MED12L: variants seen among roughly 807,000 people sequenced by gnomAD.
The protein encoded by MED12L is mediator complex subunit 12L.
MED12L carries 60 observed loss-of-function variants against 281.3 expected under a neutral mutation model. The observed-to-expected ratio is 0.21, with a 90% CI of 0.17 to 0.26. The LOEUF (loss-of-function observed/expected upper bound fraction) is 0.26, where lower values mean the gene tolerates loss of function less well. Ranked by LOEUF, MED12L falls within the 10% of genes least tolerant of loss-of-function variation. MED12L has a pLI of 1.00. For missense variants in MED12L, 2,146 were observed against 2,680.9 expected (o/e 0.80, Z 4.41); for synonymous variants, 974 against 987.2 (o/e 0.99, Z 0.25).
chr3:151,105,671 G>C (rs1410886668), intron 2 of MED12L, among the ~76,000 whole-genome samples: 1 of 152,014 alleles, frequency 6.6e-6, no homozygotes, highest in Non-Finnish European at 1.5e-5. Flanking sequence ...TTAGGTCCTG[G>C]TCTTTTCTCA....
chr3:151,350,286 A>C (rs534428353), intron 17 of MED12L, 80 bp downstream of exon 17: 20 of 1,401,066 alleles, frequency 1.4e-5, no homozygotes, highest in Non-Finnish European at 1.8e-5. Flanking sequence ...AAAGTGTTCT[A>C]TGTCACTGTC....
At chr3:151,135,463 G>T (rs1411580433) in intron 5 of MED12L, among the ~76,000 whole-genome samples, 1 of 152,218 alleles carries the variant, frequency 6.6e-6, no homozygotes, top group Non-Finnish European at 1.5e-5. Flanking sequence ...TGATTATCCT[G>T]TGTTACTCCG....
chr3:151,230,394 G>C (rs1287488786), intron 16 of MED12L, among the ~76,000 whole-genome samples: 2 of 152,144 alleles, frequency 1.3e-5, no homozygotes, highest in Non-Finnish European at 2.9e-5. Context: ...CTTATGTCTT[G>C]CCCTGCCCCA....
chr3:151,168,035 A>G (rs1720938744), intron 11 of MED12L, among the ~76,000 whole-genome samples: 1 of 152,178 alleles, frequency 6.6e-6, no homozygotes, highest in Admixed American at 6.5e-5. Flanking sequence ...GCACTGGCTA[A>G]CTTCAGGATT....
At position 151,368,692 on chromosome 3, in the gene MED12L, T is replaced by G. The variant is rs867116740; in HGVS notation, c.3550+441T>G. Among the ~76,000 whole-genome samples, 164 of 36,408 alleles carry G rather than the reference T, an allele frequency of 4.5e-3. 4 individuals carry two copies. Among genetic ancestry groups the G allele is most frequent in the East Asian group, 9.8e-3 (10 of 1,022 alleles). The allele number at this position is 36,408 out of a possible 152,430, so 23.9% of individuals were successfully genotyped here. ...TTCATTTCATGTCATTTCATTTTAT[T>G]TCATTTCATTTCATTTCATTTCATT... On this transcript the variant is annotated intron_variant, in intron 25 of 44. Coordinates refer to ENST00000687756, the MANE Select transcript of MED12L (RefSeq NM_001393769.1).
intron 32 of MED12L, 68 bp downstream of exon 32, chr3:151,380,292 A>C (rs944364022): frequency 1.8e-6 from 2 of 1,092,282 alleles, no homozygotes; most frequent in African/African-American, 3.2e-5. Flanking sequence ...TTGCCTTTCA[A>C]ATACTGAGAT....
chr3:151,232,119 A>T (rs1004082073), intron 16 of MED12L, among the ~76,000 whole-genome samples: 7 of 151,898 alleles, frequency 4.6e-5, no homozygotes, highest in Admixed American at 6.6e-5. Context: ...TTTCCTTCTT[A>T]CTTTCCTGTG....
chr3:151,135,380 A>G (rs140538792), intron 5 of MED12L, among the ~76,000 whole-genome samples: 4 of 152,376 alleles, frequency 2.6e-5, no homozygotes, highest in East Asian at 3.9e-4. Flanking sequence ...AGTGACTGGC[A>G]TACAGTAAAT....
At position 151,377,183 on chromosome 3, in the gene MED12L, T is replaced by A. The variant is rs886918067; in HGVS notation, c.4316+5T>A. On this transcript the variant is annotated splice_donor_5th_base_variant and intron_variant, in intron 30 of 44. Coordinates refer to ENST00000687756, the MANE Select transcript of MED12L (RefSeq NM_001393769.1). Reference sequence around the variant, plus strand: ...TGGAATAAAGACATTCCTAAGGTATTTTTGTCTGTTGTTTTATTGAACTGT... The same window carrying A: ...TGGAATAAAGACATTCCTAAGGTATATTTGTCTGTTGTTTTATTGAACTGT... 6.2e-7 allele frequency: 1 copy of A among 1,601,232 alleles called. No homozygotes were observed. The highest frequency in any genetic ancestry group is 2.2e-5 in the East Asian group (1 of 44,752).
intron 5 of MED12L, among the ~76,000 whole-genome samples, chr3:151,152,384 G>GA (rs1383492232): frequency 6.6e-6 from 1 of 152,066 alleles, no homozygotes; most frequent in Non-Finnish European, 1.5e-5. Context: ...TTACAGGTGT[G>GA]AGCCACCGCC....
At position 151,387,861 on chromosome 3, in the gene MED12L, G is replaced by A. The variant is rs1713656465; in HGVS notation, c.5140G>A (p.Gly1714Ser). 6.2e-7 allele frequency: 1 copy of A among 1,614,040 alleles called. No individual in the cohort carries two copies. The highest frequency in any genetic ancestry group is 1.3e-5 in the African/African-American group (1 of 75,008). The change falls in exon 37 of 45, where the codon GGT (glycine) becomes AGT (serine). Residue 1714 changes from glycine to serine, a missense_variant. By Grantham distance (56) the Gly-to-Ser change is moderately conservative. Coordinates refer to ENST00000687756, the MANE Select transcript of MED12L (RefSeq NM_001393769.1). ...GGTGTCCCCGTGGGACTTGTTTGAG[G>A]GTCAGAAGAACCCAGCTCCTTTGTC... ...QKVSPWDLFEGQKNPAPLSWA... is the reference protein window; with the variant it reads ...QKVSPWDLFESQKNPAPLSWA...
chr3:151,141,381 G>A (rs542380368), intron 5 of MED12L, among the ~76,000 whole-genome samples: 1 of 152,142 alleles, frequency 6.6e-6, no homozygotes, highest in East Asian at 1.9e-4. Flanking sequence ...ACTTGAATAA[G>A]GAGTGATTTA....
rs747529722 is a variant in MED12L at position 151,411,488 on chromosome 3, C to A, written c.6121C>A (p.Pro2041Thr). Residue 2041 changes from proline (P) to threonine (T), a missense_variant, in exon 41 of 45, where the codon CCC becomes ACC. Pro to Thr is a conservative substitution (Grantham distance 38). Around this residue, in one of 9 missense-constraint regions of MED12L, gnomAD observed 496 missense variants for 512.0 expected, o/e 0.97. Transcript: ENST00000687756. The part of the protein sequence containing the change: ...VQQQASPYLQ[P>T]LTGSQRLNHQ... ...GCAGCAGGCCTCGCCGTACCTGCAGCCCCTGACTGGCTCTCAGAGGTGATA... is the reference window on the plus strand; with the variant it reads ...GCAGCAGGCCTCGCCGTACCTGCAGACCCTGACTGGCTCTCAGAGGTGATA... 4 of 1,614,062 alleles carry A rather than the reference C, an allele frequency of 2.5e-6. No homozygotes were observed. The highest frequency in any genetic ancestry group is 3.4e-6 in the Non-Finnish European group (4 of 1,180,008).
intron 2 of MED12L, among the ~76,000 whole-genome samples, chr3:151,109,609 C>T (rs751057562): frequency 5.3e-5 from 8 of 152,078 alleles, no homozygotes; most frequent in Non-Finnish European, 8.8e-5. Flanking sequence ...TACTCTGGGC[C>T]GCTTGGTGAG....
chr3:151,100,426 G>A (rs981111427), intron 2 of MED12L, among the ~76,000 whole-genome samples: 4 of 152,168 alleles, frequency 2.6e-5, no homozygotes, highest in African/African-American at 9.7e-5. Context: ...TAAGGCATTG[G>A]CAGGAGTGAA....
At position 151,419,417 on chromosome 3, in the gene MED12L, G is replaced by T. The variant is rs371080023; in HGVS notation, c.6408+2995G>T. ...ACGGGAGAAAGATGTAGGCTGGGAG[G>T]CTAGGCCAGTCTCTCCTGTTCATGT... is the stretch of plus-strand genomic sequence containing the variant. On this transcript the variant is annotated intron_variant, in intron 43 of 44. Transcript: ENST00000687756. Among the ~76,000 whole-genome samples, 15 of 152,274 alleles carry T rather than the reference G, an allele frequency of 9.9e-5. No homozygotes were observed. The East Asian group carries it at 1.2e-3, about 12-fold the overall frequency.
intron 16 of MED12L, among the ~76,000 whole-genome samples, chr3:151,219,901 C>T (rs962587474): frequency 7.1e-6 from 1 of 140,980 alleles, no homozygotes; most frequent in Non-Finnish European, 1.5e-5. Context: ...ACCCCCCCCC[C>T]CCCCTTGGAT....
Position 151,389,986 on chromosome 3 carries a change from C to T in MED12L, c.5459C>T (p.Pro1820Leu). 1 of 1,613,858 alleles carries T rather than the reference C, an allele frequency of 6.2e-7. No individual in the cohort carries two copies. Among genetic ancestry groups the T allele is most frequent in the African/African-American group, 1.3e-5 (1 of 75,010 alleles). ...TKSSSRVDEY[P>L]QSNIYRVPPN... ...AAAAACTTTATGTTGAAGGAATATC[C>T]ACAGAGCAACATATACCGAGTGCCT... The change falls in exon 38 of 45, where the codon CCA becomes CTA. Residue 1820 changes from proline (P) to leucine (L), a missense_variant. This residue lies in a region of MED12L where 496 missense variants were observed against 512.0 expected (regional missense o/e 0.97). Coordinates refer to ENST00000687756, the MANE Select transcript of MED12L (RefSeq NM_001393769.1).
chr3:151,227,694 G>C (rs1413867410), intron 16 of MED12L, among the ~76,000 whole-genome samples: 1 of 152,208 alleles, frequency 6.6e-6, no homozygotes, highest in African/African-American at 2.4e-5. Flanking sequence ...CAAACTGGGG[G>C]CCAGGAAAAT....
Sources: allele counts gnomAD v4.1 joint callset (sites outside exome capture counted in the v4.1 genomes callset), GRCh38; gene constraint gnomAD v4.1.1; regional missense constraint gnomAD v4.1.1; transcripts MANE v1.5; gene names NCBI Gene and HGNC (gene_info 2026-07-23, HGNC 2026-07-21).